Variants in ZFP37 observed in about 807,000 individuals in gnomAD.
The protein encoded by ZFP37 is ZFP37 zinc finger protein.
In ZFP37, 38 loss-of-function variants were observed where a neutral mutation model predicts 52.1. The observed-to-expected ratio is 0.73, with a 90% CI of 0.56 to 0.96. ZFP37 has a LOEUF of 0.96. Among genes scored for constraint, ZFP37 ranks in the 40% least tolerant of loss-of-function variants. ZFP37 has a pLI of 0.00. For synonymous variants in ZFP37, 253 were observed against 259.5 expected (o/e 0.98, Z 0.24); for missense variants, 695 against 741.4 (o/e 0.94, Z 0.73).
At chr9:113,045,472 C>T (rs921706567) in intron 3 of ZFP37, among the ~76,000 whole-genome samples, 1 of 152,126 alleles carries the variant, frequency 6.6e-6, no homozygotes, top group African/African-American at 2.4e-5. Context: ...TATATTTGTT[C>T]TTTTCAGGTC....
rs774508784 is a variant in ZFP37, at chr9:113,049,848, G to C, written c.157C>G (p.Gln53Glu). The C allele has an allele frequency of 1.9e-6, 3 of 1,613,942 alleles. No individual in the cohort carries two copies. The highest frequency in any genetic ancestry group is 2.5e-6 in the Non-Finnish European group (3 of 1,179,950). The change falls in exon 2 of 4, where the codon CAG becomes GAG. Residue 53 changes from glutamine to glutamate, a missense_variant. By Grantham distance (29) the Gln-to-Glu change is conservative. Transcript: ENST00000374227. ...AAEWKQLDPAQSNLYNDVMLE... is the reference protein window; with the variant it reads ...AAEWKQLDPAESNLYNDVMLE... ...ATCACATCATTATACAGGTTGCTCTGAGCAGGATCCAGTTGCTTCCATTCC... is the reference window on the plus strand; with the variant it reads ...ATCACATCATTATACAGGTTGCTCTCAGCAGGATCCAGTTGCTTCCATTCC...
intron 3 of ZFP37, among the ~76,000 whole-genome samples, chr9:113,046,675 AATT>A (rs1418433878): frequency 6.6e-6 from 1 of 152,184 alleles, no homozygotes; most frequent in African/African-American, 2.4e-5. Context: ...GTTTTTCCTG[AATT>A]TGAGACAGTA....
At chr9:113,045,836 C>A (rs1349585773) in intron 3 of ZFP37, among the ~76,000 whole-genome samples, 2 of 152,136 alleles carry the variant, frequency 1.3e-5, no homozygotes, top group African/African-American at 4.8e-5. Flanking sequence ...TTAGGGGTGT[C>A]ATTTTTCAGC....
In ZFP37 at chr9:113,044,135, A is replaced by T. The variant is rs1828910523; in HGVS notation, c.483T>A (p.Asn161Lys). 10 of 1,611,386 alleles carry T rather than the reference A, an allele frequency of 6.2e-6. No homozygotes were observed. The highest frequency in any genetic ancestry group is 7.6e-6 in the Non-Finnish European group (9 of 1,179,388). The stretch of plus-strand genomic sequence containing the variant: ...AAGGAACATGTTTTTTATGCAAATT[A>T]TTTTTTTTCCCCAGTGAACCACAGT... ...GSDCGSLGKK[N>K]NLHKKHVPSK... The change falls in exon 4 of 4, where the codon AAT becomes AAA. Residue 161 changes from asparagine to lysine, a missense_variant. Asn to Lys is a moderately conservative substitution (Grantham distance 94). Coordinates refer to ENST00000374227, the MANE Select transcript of ZFP37 (RefSeq NM_003408.3).
rs1464589025 is a variant in ZFP37, at chr9:113,040,288, A to C, written c.*2437T>G. ...AGACATGTGGAAATTCAACATAGCCATAACCTGCAACTGTTTCATCCATCT... is the reference window on the plus strand; with the variant it reads ...AGACATGTGGAAATTCAACATAGCCCTAACCTGCAACTGTTTCATCCATCT... On this transcript the variant is annotated 3_prime_UTR_variant, in exon 4 of 4. Transcript: ENST00000374227. 2.6e-5 allele frequency: 4 copies of C among 152,268 alleles called. No homozygotes were observed. The highest frequency in any genetic ancestry group is 5.9e-5 in the Non-Finnish European group (4 of 68,044). 9.4% of individuals were successfully genotyped at this position (152,268 alleles called of 1,614,324 possible).
At chr9:113,053,201 A>G (rs561076201) in intron 1 of ZFP37, among the ~76,000 whole-genome samples, 1 of 152,272 alleles carries the variant, frequency 6.6e-6, no homozygotes, top group East Asian at 1.9e-4. Context: ...CTTTCACTCC[A>G]ATAATTCTCC....
intron 1 of ZFP37, among the ~76,000 whole-genome samples, chr9:113,053,224 C>T (rs1213868800): frequency 6.6e-6 from 1 of 152,208 alleles, no homozygotes; most frequent in Admixed American, 6.5e-5. Flanking sequence ...ACTCATTGAG[C>T]CCTCTGATCC....
rs1300632080 is a variant in ZFP37 at position 113,041,064 on chromosome 9, G to T, written c.*1661C>A. On this transcript the variant is annotated 3_prime_UTR_variant, in exon 4 of 4. Coordinates refer to ENST00000374227, the MANE Select transcript of ZFP37 (RefSeq NM_003408.3). The stretch of plus-strand genomic sequence containing the variant: ...CTCTCTTGCCTCAGCCTCCTGAGTG[G>T]CTGGGATTACAGGGATTACAGCATG... The T allele has an allele frequency of 6.6e-6, 1 of 152,056 alleles. No individual in the cohort carries two copies. The highest frequency in any genetic ancestry group is 1.9e-4 in the East Asian group (1 of 5,184). 9.4% of individuals were successfully genotyped at this position (152,056 alleles called of 1,614,324 possible).
chr9:113,053,798 G>A lies in ZFP37; in HGVS notation c.132+2759C>T, dbSNP rs564080158. Among the ~76,000 whole-genome samples, 4 of 151,992 alleles carry A rather than the reference G, an allele frequency of 2.6e-5. No individual in the cohort carries two copies. In the South Asian group the frequency reaches 8.3e-4, roughly 32 times the overall value. On this transcript the variant is annotated intron_variant, in intron 1 of 3. Coordinates refer to ENST00000374227, the MANE Select transcript of ZFP37 (RefSeq NM_003408.3). The stretch of plus-strand genomic sequence containing the variant: ...GAAAGTCTTCCTTCTCTCACCTAAG[G>A]CCAGTTTCTCCATTTGTGCTCTCAA...
rs759525124 is a variant in ZFP37, at chr9:113,043,473, C to T, written c.1145G>A (p.Cys382Tyr). ...TGEKPYECAE[C>Y]GKTFRHSSNL... Reference sequence around the variant, plus strand: ...TGAGCTGTGTCTGAAGGTTTTCCCACATTCAGCACATTCATAGGGCTTTTC... The same window carrying T: ...TGAGCTGTGTCTGAAGGTTTTCCCATATTCAGCACATTCATAGGGCTTTTC... Residue 382 changes from cysteine (C) to tyrosine (Y), a missense_variant, in exon 4 of 4, where the codon TGT becomes TAT. Around this residue, in one of 2 missense-constraint regions of ZFP37, gnomAD observed 326 missense variants for 400.5 expected, o/e 0.81. Transcript: ENST00000374227. 9 of 1,613,954 alleles carry T rather than the reference C, an allele frequency of 5.6e-6. No individual in the cohort carries two copies. The highest frequency in any genetic ancestry group is 2.7e-5 in the African/African-American group (2 of 74,944).
chr9:113,050,163 T>C, intron 1 of ZFP37: 1 of 267,124 alleles, frequency 3.7e-6, no homozygotes, highest in Non-Finnish European at 7.1e-6. Context: ...AGCAGGAGGA[T>C]TGCTTGAGCT....
At chr9:113,054,381 C>G (rs1829106192) in intron 1 of ZFP37, among the ~76,000 whole-genome samples, 1 of 152,154 alleles carries the variant, frequency 6.6e-6, no homozygotes, top group Non-Finnish European at 1.5e-5. Flanking sequence ...GTCCCTGGCT[C>G]TCTTCTCTTC....
Position 113,042,721 on chromosome 9 carries a change from A to T in ZFP37, c.*4T>A, listed in dbSNP as rs754818616. 6.5e-7 allele frequency: 1 copy of T among 1,542,058 alleles called. No homozygotes were observed. The highest frequency in any genetic ancestry group is 8.7e-7 in the Non-Finnish European group (1 of 1,148,590). ...ATTTAGTTAACAAATTTCCCACATT[A>T]ACTTCACTCATGAGATTTATCTTCT... On this transcript the variant is annotated 3_prime_UTR_variant, in exon 4 of 4. Coordinates refer to ENST00000374227, the MANE Select transcript of ZFP37 (RefSeq NM_003408.3).
chr9:113,040,550 A>G lies in ZFP37; in HGVS notation c.*2175T>C, dbSNP rs965833966. ...CACGAACACATATTCCATTCTCAAT[A>G]TATTATATTAACACATTATAATTCT... On this transcript the variant is annotated 3_prime_UTR_variant, in exon 4 of 4. Transcript: ENST00000374227. 2 of 152,252 alleles carry G rather than the reference A, an allele frequency of 1.3e-5. No individual in the cohort carries two copies. Among genetic ancestry groups the G allele is most frequent in the Non-Finnish European group, 2.9e-5 (2 of 68,044 alleles). 9.4% of individuals were successfully genotyped at this position (152,252 alleles called of 1,614,324 possible).
At position 113,043,129 on chromosome 9, in the gene ZFP37, C is replaced by T. The variant is rs1278986801; in HGVS notation, c.1489G>A (p.Ala497Thr). The T allele has an allele frequency of 6.2e-7, 1 of 1,613,722 alleles. No homozygotes were observed. The highest frequency in any genetic ancestry group is 8.5e-7 in the Non-Finnish European group (1 of 1,179,928). Residue 497 changes from alanine (A) to threonine (T), a missense_variant, in exon 4 of 4, where the codon GCC (alanine) becomes ACC (threonine). This residue lies in a region of ZFP37 where 326 missense variants were observed against 400.5 expected (regional missense o/e 0.81). Coordinates refer to ENST00000374227, the MANE Select transcript of ZFP37 (RefSeq NM_003408.3). ...GTAAGAGATGAGCTATGTCCAAAGG[C>T]TTTTCCACACTCATTACATTTATAA... ...KPYKCNECGKAFGHSSSLTYH... is the reference protein window; with the variant it reads ...KPYKCNECGKTFGHSSSLTYH...
rs193095598 is a variant in ZFP37, at chr9:113,055,526, A to C, written c.132+1031T>G. On this transcript the variant is annotated intron_variant, in intron 1 of 3. Coordinates refer to ENST00000374227, the MANE Select transcript of ZFP37 (RefSeq NM_003408.3). ...ACAAAGCAGGGACTGCAAAACAACA[A>C]CACCAAACAAATAAAATAAAAAATA... Among the ~76,000 whole-genome samples, 93 of 152,334 alleles carry C rather than the reference A, an allele frequency of 6.1e-4. 1 individual carries two copies. The highest frequency in any genetic ancestry group is 3.0e-3 in the Admixed American group (46 of 15,298).
Position 113,043,319 on chromosome 9 carries a change from A to T in ZFP37, c.1299T>A (p.Tyr433Ter), listed in dbSNP as rs1828887695. 6.2e-7 allele frequency: 1 copy of T among 1,613,950 alleles called. No homozygotes were observed. Among genetic ancestry groups the T allele is most frequent in the Admixed American group, 1.7e-5 (1 of 59,992 alleles). Residue 433 changes from tyrosine to a stop codon, truncating the protein, a stop_gained, in exon 4 of 4, where the codon TAT (tyrosine) becomes TAA (stop). Transcript: ENST00000374227. LOFTEE classifies it high-confidence loss of function. ...HVRTHTGEIPYECNECGKAFK... is the reference protein window; with the variant it reads ...HVRTHTGEIP ...AGGCTTTTCCACATTCATTGCATTC[A>T]TATGGTATTTCACCTGTATGTGTTC...
rs1384508606 is a variant in ZFP37, at chr9:113,039,752, T to C, written c.*2973A>G. The C allele has an allele frequency of 1.3e-5, 2 of 152,200 alleles. No homozygotes were observed. Among genetic ancestry groups the C allele is most frequent in the Non-Finnish European group, 2.9e-5 (2 of 68,030 alleles). 9.4% of individuals were successfully genotyped at this position (152,200 alleles called of 1,614,324 possible). A position where few individuals can be genotyped will look rare whatever the true frequency, so the allele number is the denominator to read the frequency against. On this transcript the variant is annotated 3_prime_UTR_variant, in exon 4 of 4. Coordinates refer to ENST00000374227, the MANE Select transcript of ZFP37 (RefSeq NM_003408.3). Reference sequence around the variant, plus strand: ...TAGATGATCATATCACTTGAATAAATAAATGTTTCAAAACTGTTAATAATA... The same window carrying C: ...TAGATGATCATATCACTTGAATAAACAAATGTTTCAAAACTGTTAATAATA...
intron 1 of ZFP37, among the ~76,000 whole-genome samples, chr9:113,054,042 T>C (rs555291817): frequency 2.6e-5 from 4 of 152,206 alleles, no homozygotes; most frequent in Non-Finnish European, 5.9e-5. Flanking sequence ...CTGTTGCCTA[T>C]ACTTGCTGTT....
Sources: gnomAD v4.1 joint callset for allele counts (sites outside exome capture counted in the v4.1 genomes callset) on GRCh38, gnomAD v4.1.1 for gene constraint, gnomAD v4.1.1 regional missense constraint, MANE v1.5 for transcripts, NCBI Gene and HGNC (gene_info 2026-07-23, HGNC 2026-07-21) for gene names.